MAP1B: variants seen among roughly 807,000 people sequenced by gnomAD.
MAP1B encodes microtubule-associated protein 1B.
Under a neutral mutation model 176.1 loss-of-function variants are expected in MAP1B, and 12 were observed. The ratio of observed to expected loss-of-function variants is 0.07; its 90% CI spans 0.04 to 0.11. MAP1B has a LOEUF of 0.11. MAP1B is among the 10% of genes least tolerant of loss of function. The pLI, the probability that MAP1B is intolerant of heterozygous loss-of-function variation, is 1.00. For missense variants in MAP1B, 2,523 were observed against 2,990.5 expected, an observed-to-expected ratio of 0.84 and a Z score of 3.65; for synonymous variants, 1,044 against 1,135.0, an observed-to-expected ratio of 0.92 and a Z score of 1.61.
chr5:72,198,694 C>T lies in MAP1B; in HGVS notation c.5339C>T (p.Pro1780Leu), dbSNP rs1235257032. The T allele has an allele frequency of 6.2e-7, 1 of 1,614,182 alleles. No individual in the cohort carries two copies. Among genetic ancestry groups the T allele is most frequent in the Non-Finnish European group, 8.5e-7 (1 of 1,180,034 alleles). The part of the protein sequence containing the change: ...VQSLEGEKLS[P>L]KSDISPLTPR... ...AGTCTGGAAGGAGAGAAGCTCTCTCCAAAATCTGATATCTCTCCACTCACC... is the reference window on the plus strand; with the variant it reads ...AGTCTGGAAGGAGAGAAGCTCTCTCTAAAATCTGATATCTCTCCACTCACC... The change falls in exon 5 of 7, where the codon CCA becomes CTA. Residue 1780 changes from proline to leucine, a missense_variant. By Grantham distance (98) the Pro-to-Leu change is moderately conservative. Around this residue, in one of 4 missense-constraint regions of MAP1B, gnomAD observed 1,925 missense variants for 2,126.0 expected, o/e 0.91. Coordinates refer to ENST00000296755, the MANE Select transcript of MAP1B (RefSeq NM_005909.5).
intron 2 of MAP1B, among the ~76,000 whole-genome samples, chr5:72,134,567 A>G (rs1745796886): frequency 6.6e-6 from 1 of 152,064 alleles, no homozygotes; most frequent in African/African-American, 2.4e-5. Context: ...TTGTCTTACC[A>G]CATAGGAGAA....
chr5:72,115,598 A>T, intron 1 of MAP1B, 100 bp from the exon 2 acceptor site: 6 of 751,806 alleles, frequency 8.0e-6, no homozygotes, highest in Non-Finnish European at 1.5e-5. Context: ...GAGTTCCCAC[A>T]TCCTCCCTGA....
chr5:72,198,730 C>G lies in MAP1B; in HGVS notation c.5375C>G (p.Ser1792Cys). ...SDISPLTPRE[S>C]SPLYSPTFSD... ...ATCTCTCCACTCACCCCACGAGAGTCCTCTCCTTTATATTCACCTACTTTT... is the reference window on the plus strand; with the variant it reads ...ATCTCTCCACTCACCCCACGAGAGTGCTCTCCTTTATATTCACCTACTTTT... Residue 1792 changes from serine to cysteine, a missense_variant, in exon 5 of 7, where the codon TCC becomes TGC. Physicochemically the swap from Ser to Cys is moderately radical, Grantham distance 112. Transcript: ENST00000296755. 2 of 1,614,156 alleles carry G rather than the reference C, an allele frequency of 1.2e-6. No individual in the cohort carries two copies.
In MAP1B at chr5:72,155,881, C is replaced by T. The variant is rs144427130; in HGVS notation, c.287-27862C>T. Among the ~76,000 whole-genome samples the T allele has an allele frequency of 9.6e-3, 1,457 of 151,444 alleles. 24 individuals carry two copies. Among genetic ancestry groups the T allele is most frequent in the African/African-American group, 0.034 (1,388 of 41,282 alleles). On this transcript the variant is annotated intron_variant, in intron 2 of 6. Transcript: ENST00000296755. ...TTTCAGGTTCAAGCGATTCTCCTGC[C>T]TTAGCCTCCCAAGTAGCTGGGATTA... is the stretch of plus-strand genomic sequence containing the variant.
chr5:72,151,119 G>C (rs946050275), intron 2 of MAP1B, among the ~76,000 whole-genome samples: 2 of 152,070 alleles, frequency 1.3e-5, no homozygotes, highest in Non-Finnish European at 2.9e-5. Context: ...TTCTGGTGGG[G>C]GCTTTTGTGT....
rs993788833 is a variant in MAP1B at position 72,209,068 on chromosome 5, A to G, written c.*3829A>G. 1 of 152,212 alleles carries G rather than the reference A, an allele frequency of 6.6e-6. No homozygotes were observed. The highest frequency in any genetic ancestry group is 2.4e-5 in the African/African-American group (1 of 41,458). The allele number at this position is 152,212 out of a possible 1,614,324, so 9.4% of individuals were successfully genotyped here. ...TATTAAAACTATTTACTGTTAAAAA[A>G]TCTGTGACTTCATGAAGTTGATTTT... On this transcript the variant is annotated 3_prime_UTR_variant, in exon 7 of 7. Coordinates refer to ENST00000296755, the MANE Select transcript of MAP1B (RefSeq NM_005909.5).
At position 72,194,686 on chromosome 5, in the gene MAP1B, C is replaced by T; in HGVS notation, c.1331C>T (p.Thr444Ile). The stretch of plus-strand genomic sequence containing the variant: ...TATTTTATGCAGCAGTGGACTGGTA[C>T]CAACAAAGACAAGGCTGAATTCATT... ...MQYFMQQWTG[T>I]NKDKAEFILP... Residue 444 changes from threonine (T) to isoleucine (I), a missense_variant, in exon 5 of 7, where the codon ACC becomes ATC. By Grantham distance (89) the Thr-to-Ile change is moderately conservative. This residue lies in a region of MAP1B where 1,925 missense variants were observed against 2,126.0 expected (regional missense o/e 0.91). Coordinates refer to ENST00000296755, the MANE Select transcript of MAP1B (RefSeq NM_005909.5). The surrounding 1 kb of genome is among the most constrained non-coding windows in gnomAD (Gnocchi z 7.2). 1 of 1,614,156 alleles carries T rather than the reference C, an allele frequency of 6.2e-7. No individual in the cohort carries two copies. The highest frequency in any genetic ancestry group is 8.5e-7 in the Non-Finnish European group (1 of 1,180,044).
intron 2 of MAP1B, among the ~76,000 whole-genome samples, chr5:72,165,965 A>T (rs914453175): frequency 6.6e-6 from 1 of 152,188 alleles, no homozygotes; most frequent in African/African-American, 2.4e-5. Context: ...AGATCCCATC[A>T]TGTTCTACCC....
At chr5:72,177,337 T>C (rs1235742993) in intron 2 of MAP1B, among the ~76,000 whole-genome samples, 1 of 148,926 alleles carries the variant, frequency 6.7e-6, no homozygotes, top group African/African-American at 2.6e-5. Flanking sequence ...CCTCTTTCTC[T>C]TCCTCTCTGT....
chr5:72,117,680 T>C (rs1251259611), intron 2 of MAP1B, among the ~76,000 whole-genome samples: 1 of 152,222 alleles, frequency 6.6e-6, no homozygotes, highest in Non-Finnish European at 1.5e-5. Context: ...TACCTAGTTG[T>C]ATAGTGTTAT....
At chr5:72,180,540 C>T (rs955852345) in intron 2 of MAP1B, among the ~76,000 whole-genome samples, 2 of 152,162 alleles carry the variant, frequency 1.3e-5, no homozygotes, top group Admixed American at 1.3e-4. Context: ...AAACCAAAAA[C>T]AACCAAAAAG....
chr5:72,170,245 C>T (rs983334332), intron 2 of MAP1B, among the ~76,000 whole-genome samples: 5 of 152,144 alleles, frequency 3.3e-5, no homozygotes, highest in African/African-American at 1.2e-4. Context: ...GGCCTGCATC[C>T]TATCCGTCAA....
chr5:72,156,014 G>A (rs1349273825), intron 2 of MAP1B, among the ~76,000 whole-genome samples: 2 of 152,084 alleles, frequency 1.3e-5, no homozygotes, highest in African/African-American at 2.4e-5. Flanking sequence ...TGATCCACCC[G>A]CCTTGGCCTC....
chr5:72,146,865 A>T (rs567014200), intron 2 of MAP1B, among the ~76,000 whole-genome samples: 6 of 152,314 alleles, frequency 3.9e-5, no homozygotes, highest in African/African-American at 9.6e-5. Flanking sequence ...TTCTGGGGCA[A>T]CTGAAAACTT....
intron 2 of MAP1B, among the ~76,000 whole-genome samples, chr5:72,130,018 T>C (rs957802514): frequency 1.3e-5 from 2 of 152,200 alleles, no homozygotes; most frequent in Non-Finnish European, 2.9e-5. Flanking sequence ...TGTCATCAGA[T>C]AGAAATTCTA....
chr5:72,183,907 T>C, intron 3 of MAP1B, 82 bp downstream of exon 3: 1 of 1,213,910 alleles, frequency 8.2e-7, no homozygotes. Context: ...GCTGGGCAAA[T>C]GGGGGCAGGA....
intron 2 of MAP1B, among the ~76,000 whole-genome samples, chr5:72,150,934 C>T (rs898736487): frequency 3.9e-5 from 6 of 152,068 alleles, no homozygotes; most frequent in Admixed American, 1.3e-4. Context: ...GCAGAGTTAG[C>T]GGGCAGCTGT....
chr5:72,200,299 A>C lies in MAP1B; in HGVS notation c.6944A>C (p.Glu2315Ala). ...GAGGTCAAAGCTGCACGTGGGGAAG[A>C]GAAAGACAAGGAGACCAAGAATGCT... is the stretch of plus-strand genomic sequence containing the variant. Reference protein sequence around the residue: ...TPEVKAARGEEKDKETKNAAN... With the variant: ...TPEVKAARGEAKDKETKNAAN... The change falls in exon 5 of 7, where the codon GAG (glutamate) becomes GCG (alanine). Residue 2315 changes from glutamate (E) to alanine (A), a missense_variant. Around this residue, in one of 4 missense-constraint regions of MAP1B, gnomAD observed 287 missense variants for 401.5 expected, o/e 0.71. Coordinates refer to ENST00000296755, the MANE Select transcript of MAP1B (RefSeq NM_005909.5). The C allele has an allele frequency of 6.2e-7, 1 of 1,614,258 alleles. No homozygotes were observed. The highest frequency in any genetic ancestry group is 8.5e-7 in the Non-Finnish European group (1 of 1,180,044).
intron 2 of MAP1B, among the ~76,000 whole-genome samples, chr5:72,147,689 C>T (rs1443258890): frequency 1.3e-5 from 2 of 152,162 alleles, no homozygotes; most frequent in African/African-American, 4.8e-5. Flanking sequence ...TCCTCCAGTA[C>T]AGACAGAAGG....
Sources: gnomAD v4.1 joint callset for allele counts (sites outside exome capture counted in the v4.1 genomes callset) on GRCh38, gnomAD v4.1.1 for gene constraint, gnomAD v4.1.1 regional missense constraint, Gnocchi (gnomAD v3.1) non-coding constraint, MANE v1.5 for transcripts, NCBI Gene and HGNC (gene_info 2026-07-23, HGNC 2026-07-21) for gene names.